The following PCDHA7 variants were observed in gnomAD, a reference collection of about 807,000 sequenced individuals.
The protein encoded by PCDHA7 is protocadherin alpha-7.
PCDHA7 carries 37 observed loss-of-function variants against 57.2 expected under a neutral mutation model. The ratio of observed to expected loss-of-function variants is 0.65; its 90% CI spans 0.50 to 0.85. The LOEUF (loss-of-function observed/expected upper bound fraction) is 0.85. PCDHA7 is among the 40% of genes least tolerant of loss of function. The probability of loss-of-function intolerance (pLI) is 0.00; values close to 1 mark genes in which losing one functional copy is unlikely to be tolerated. For synonymous variants in PCDHA7, 553 were observed against 558.8 expected, an observed-to-expected ratio of 0.99 and a Z score of 0.15; for missense variants, 1,188 against 1,241.8, an observed-to-expected ratio of 0.96 and a Z score of 0.65.
intron 1 of PCDHA7, chr5:140,843,740 C>T (rs2150365873): frequency 1.9e-5 from 29 of 1,536,514 alleles, no homozygotes; most frequent in South Asian, 3.4e-5. Context: ...ATTTAGAACT[C>T]ATAAATTCTA....
chr5:140,841,340 G>A lies in PCDHA7; in HGVS notation c.2355+4602G>A, dbSNP rs2150313851. On this transcript the variant is annotated intron_variant, in intron 1 of 3. Transcript: ENST00000525929. ...ATTTAACATGGATTATCACTGGCGA[G>A]GAGAGCTGGGATCCTGGCGACTACT... 11 of 1,611,670 alleles carry A rather than the reference G, an allele frequency of 6.8e-6. No individual in the cohort carries two copies. Among genetic ancestry groups the A allele is most frequent in the South Asian group, 5.5e-5 (5 of 90,928 alleles).
At chr5:140,952,301 T>C (rs246036) in intron 1 of PCDHA7, among the ~76,000 whole-genome samples, 3 of 149,380 alleles carry the variant, frequency 2.0e-5, no homozygotes. Flanking sequence ...CACAGCCATT[T>C]CACTCCAGCC....
At position 140,853,409 on chromosome 5, in the gene PCDHA7, G is replaced by C. The variant is rs2042740384; in HGVS notation, c.2355+16671G>C. 1.0e-5 allele frequency: 10 copies of C among 985,968 alleles called. 2 individuals are homozygous for C. Among genetic ancestry groups the C allele is most frequent in the Non-Finnish European group, 1.2e-5 (10 of 818,342 alleles). 61.1% of individuals were successfully genotyped at this position (985,968 alleles called of 1,614,324 possible). On this transcript the variant is annotated intron_variant, in intron 1 of 3. Transcript: ENST00000525929. Reference sequence around the variant, plus strand: ...CAGCCTGTCAAGTTCAAAACAGAGAGGTGAAAGCAGAAGAGACACTTTCCT... The same window carrying C: ...CAGCCTGTCAAGTTCAAAACAGAGACGTGAAAGCAGAAGAGACACTTTCCT...
At chr5:140,921,473 C>T (rs2080232887) in intron 1 of PCDHA7, among the ~76,000 whole-genome samples, 1 of 152,186 alleles carries the variant, frequency 6.6e-6, no homozygotes, top group African/African-American at 2.4e-5. Flanking sequence ...CACTACCAAA[C>T]CACTCTACCT....
At chr5:140,850,666 C>G in intron 1 of PCDHA7, 1 of 1,598,434 alleles carries the variant, frequency 6.3e-7, no homozygotes, top group Non-Finnish European at 8.6e-7. Flanking sequence ...CTGCGGTGCT[C>G]GGCGATGCCC....
intron 1 of PCDHA7, chr5:140,871,159 G>A (rs781816033): frequency 1.2e-6 from 2 of 1,613,450 alleles, no homozygotes; most frequent in African/African-American, 1.3e-5. Flanking sequence ...GGCGGGCGCC[G>A]CGAGCCCAGA....
intron 1 of PCDHA7, chr5:140,842,764 C>A (rs1554139348): frequency 3.1e-6 from 5 of 1,594,666 alleles, no homozygotes; most frequent in Non-Finnish European, 4.3e-6. Flanking sequence ...CTGCGCGAGA[C>A]GCGGACGCGC....
intron 1 of PCDHA7, chr5:140,849,802 G>A (rs2041146387): frequency 6.3e-7 from 1 of 1,598,478 alleles, no homozygotes; most frequent in Non-Finnish European, 8.6e-7. Flanking sequence ...CCTTCACTGT[G>A]GGCCACGGCC....
chr5:140,853,855 T>A, intron 1 of PCDHA7: 1 of 985,872 alleles, frequency 1.0e-6, no homozygotes, highest in Non-Finnish European at 1.2e-6. Flanking sequence ...TAGCCCTATT[T>A]GATACTTGAC....
At chr5:140,860,333 A>T (rs147859732) in intron 1 of PCDHA7, 1 of 152,198 alleles carries the variant, frequency 6.6e-6, no homozygotes, top group African/African-American at 2.4e-5. Context: ...GTGACCCATG[A>T]TTGTGCCACT....
intron 1 of PCDHA7, chr5:140,871,407 C>G: frequency 6.2e-7 from 1 of 1,614,070 alleles, no homozygotes; most frequent in Non-Finnish European, 8.5e-7. Context: ...AGACGGACCT[C>G]ATGGCCTTCA....
chr5:140,860,192 C>CATATATATATATATATATAT (rs143984774), intron 1 of PCDHA7: 1 of 146,816 alleles, frequency 6.8e-6, no homozygotes, highest in African/African-American at 2.5e-5. Context: ...GCTCTCCTTA[C>CATATATATATATATATATAT]ATATATATCT....
intron 1 of PCDHA7, chr5:140,878,061 AT>A (rs2057460632): frequency 2.4e-6 from 1 of 424,416 alleles, no homozygotes; most frequent in Non-Finnish European, 3.8e-6. Context: ...CACACTTAAT[AT>A]TTTTCTTTTT....
chr5:140,895,905 G>A (rs987746254), intron 1 of PCDHA7, among the ~76,000 whole-genome samples: 4 of 152,076 alleles, frequency 2.6e-5, no homozygotes, highest in Admixed American at 1.3e-4. Context: ...TCCGCGTCCC[G>A]GGCTCAACAA....
intron 3 of PCDHA7, among the ~76,000 whole-genome samples, chr5:141,005,772 G>A (rs1554260355): frequency 6.9e-6 from 1 of 144,526 alleles, no homozygotes; most frequent in South Asian, 2.2e-4. Flanking sequence ...CAAACCAGAT[G>A]TGTAAAGATC....
chr5:140,838,117 TGTG>T (rs1554136891), intron 1 of PCDHA7, among the ~76,000 whole-genome samples: 5 of 149,868 alleles, frequency 3.3e-5, no homozygotes, highest in Non-Finnish European at 7.4e-5. Flanking sequence ...TGTGTGTGTG[TGTG>T]TGTGTGTGTG....
At position 141,011,317 on chromosome 5, in the gene PCDHA7, T is replaced by C. The variant is rs1554263417; in HGVS notation, c.*1380T>C. On this transcript the variant is annotated 3_prime_UTR_variant, in exon 4 of 4. Transcript: ENST00000525929. ...TAACACTCTGAATTGCTAATCTTAC[T>C]AACACCTATGATGTTACCTGAAATC... 1 of 153,818 alleles carries C rather than the reference T, an allele frequency of 6.5e-6. No homozygotes were observed. The highest frequency in any genetic ancestry group is 2.4e-5 in the African/African-American group (1 of 41,470). 9.5% of individuals were successfully genotyped at this position (153,818 alleles called of 1,614,324 possible).
intron 3 of PCDHA7, among the ~76,000 whole-genome samples, chr5:140,984,610 G>A (rs2097110934): frequency 6.6e-6 from 1 of 152,188 alleles, no homozygotes; most frequent in African/African-American, 2.4e-5. Flanking sequence ...CTCTGCATCA[G>A]TGGTGTAAAG....
intron 1 of PCDHA7, among the ~76,000 whole-genome samples, chr5:140,974,566 C>T (rs2096631979): frequency 6.6e-6 from 1 of 152,138 alleles, no homozygotes; most frequent in African/African-American, 2.4e-5. Context: ...GGCTGGAGTG[C>T]AATGGCATGA....
Sources: allele counts gnomAD v4.1 joint callset (sites outside exome capture counted in the v4.1 genomes callset), GRCh38; gene constraint gnomAD v4.1.1; transcripts MANE v1.5; gene names NCBI Gene and HGNC (gene_info 2026-07-23, HGNC 2026-07-21).